UNC79: variants seen among roughly 807,000 people sequenced by gnomAD.
The protein encoded by UNC79 is unc-79 subunit of NALCN channel complex.
In UNC79, 37 loss-of-function variants were observed where a neutral mutation model predicts 283.1. The observed-to-expected ratio is 0.13, with a 90% CI of 0.10 to 0.17. The LOEUF is 0.17. Ranked by LOEUF, UNC79 falls within the 10% of genes least tolerant of loss-of-function variation. The pLI is 1.00. For missense variants in UNC79, 2,272 were observed against 3,211.1 expected (o/e 0.71, Z 7.07); for synonymous variants, 1,107 against 1,200.2 (o/e 0.92, Z 1.61).
At chr14:93,402,786 C>T (rs1269460766) in intron 1 of UNC79, among the ~76,000 whole-genome samples, 1 of 152,042 alleles carries the variant, frequency 6.6e-6, no homozygotes, top group Non-Finnish European at 1.5e-5. Context: ...AAAGTAGACT[C>T]GTATACTTGT....
chr14:93,497,004 T>C (rs546021050), intron 6 of UNC79, among the ~76,000 whole-genome samples, 153 bp from the exon 7 acceptor site: 1 of 152,364 alleles, frequency 6.6e-6, no homozygotes, highest in East Asian at 1.9e-4. Flanking sequence ...TTTGACGTGA[T>C]CTAATCTATG....
At chr14:93,429,357 C>A (rs973177776), upstream of UNC79, among the ~76,000 whole-genome samples, 1 of 152,188 alleles carries the variant, frequency 6.6e-6, no homozygotes, top group African/African-American at 2.4e-5. Context: ...GCCAGAGCAA[C>A]CTGCCAATCA....
In UNC79 at chr14:93,437,252, A is replaced by G. The variant is rs1325763769; in HGVS notation, c.22+6201A>G. On this transcript the variant is annotated intron_variant, in intron 1 of 48. Coordinates refer to ENST00000555664, the Ensembl canonical transcript of UNC79. ...TCCAGGAAAGACAGTTTAGATATTT[A>G]TTGCTTGTGCCTACTAGGTACTAGG... The G allele has an allele frequency of 3.3e-5, 5 of 152,114 alleles. No homozygotes were observed. In the East Asian group the frequency reaches 9.6e-4, roughly 29 times the overall value. 9.4% of individuals were successfully genotyped at this position (152,114 alleles called of 1,614,324 possible). A position where few individuals can be genotyped will look rare whatever the true frequency, so the allele number is the denominator to read the frequency against.
rs34461598 is a variant in UNC79 at position 93,690,738 on chromosome 14, CAAG to C, written c.7272+439_7272+441del. 0.026 allele frequency: 4,265 copies of C among 165,318 alleles called. 75 individuals carry two copies. The highest frequency in any genetic ancestry group is 0.057 in the South Asian group (345 of 6,050). 10.2% of individuals were successfully genotyped at this position (165,318 alleles called of 1,614,324 possible). On this transcript the variant is annotated intron_variant, in intron 45 of 48. Transcript: ENST00000555664. This position sits in a 1 kb window ranked among gnomAD's most constrained non-coding sequence, Gnocchi z 4.3. ...GATACAGGAAAATACAAAATGAAAA[CAAG>C]AAGGCCAGTTGGGAACTCACTAAAG...
intron 1 of UNC79, among the ~76,000 whole-genome samples, chr14:93,374,537 T>C (rs2054516919): frequency 6.6e-6 from 1 of 152,160 alleles, no homozygotes; most frequent in Non-Finnish European, 1.5e-5. Flanking sequence ...CTTTCTTTCT[T>C]TTTTAAAGTC....
intron 1 of UNC79, among the ~76,000 whole-genome samples, chr14:93,442,912 A>T (rs147024584): frequency 0.04 from 6,155 of 152,164 alleles, 174 homozygotes; most frequent in Middle Eastern, 0.12. Flanking sequence ...AACATGGCAA[A>T]ACCCTATATC....
At chr14:93,604,834 T>C (rs2065770458) in intron 26 of UNC79, 62 bp from the exon 27 acceptor site, 5 of 1,474,084 alleles carry the variant, frequency 3.4e-6, no homozygotes, top group Non-Finnish European at 1.8e-6. Flanking sequence ...GCACTGAGTA[T>C]ATTTTCTAGG....
rs896509701 is a variant in UNC79 at position 93,688,253 on chromosome 14, T to A, written c.6910-412T>A. On this transcript the variant is annotated intron_variant, in intron 43 of 48. Transcript: ENST00000555664. The surrounding 1 kb of genome is among the most constrained non-coding windows in gnomAD (Gnocchi z 4.0). ...ACAGTAAAAATGTGTCTCTCACAAT[T>A]GCTATGAAAAAGAGGCAGAAGGCAG... Among the ~76,000 whole-genome samples the A allele has an allele frequency of 6.6e-6, 1 of 152,134 alleles. No individual in the cohort carries two copies. The highest frequency in any genetic ancestry group is 2.4e-5 in the African/African-American group (1 of 41,430).
chr14:93,526,852 TAA>T (rs1375968933), intron 8 of UNC79, among the ~76,000 whole-genome samples: 1 of 152,052 alleles, frequency 6.6e-6, no homozygotes, highest in Non-Finnish European at 1.5e-5. Context: ...AATGACTCAC[TAA>T]AAAAGAGGGT....
Position 93,617,153 on chromosome 14 carries a change from A to G in UNC79, c.4073A>G (p.His1358Arg). Reference sequence around the variant, plus strand: ...GACTATAACATTAACTTGGGAAAACACCTTCTCCCCTTAGTGGTTCAGGTG... The same window carrying G: ...GACTATAACATTAACTTGGGAAAACGCCTTCTCCCCTTAGTGGTTCAGGTG... Residue 1358 changes from histidine (H) to arginine (R), a missense_variant, in exon 28 of 49, where the codon CAC becomes CGC. Transcript: ENST00000555664. The surrounding 1 kb of genome is among the most constrained non-coding windows in gnomAD (Gnocchi z 4.5). The G allele has an allele frequency of 6.2e-7, 1 of 1,613,574 alleles. No homozygotes were observed. Among genetic ancestry groups the G allele is most frequent in the Non-Finnish European group, 8.5e-7 (1 of 1,179,708 alleles).
chr14:93,660,563 ATGTGTGTG>A lies in UNC79; in HGVS notation c.6525+1312_6525+1319del, dbSNP rs1555394962. ...TATATATATATATATATATATATAT[ATGTGTGTG>A]TGTGTGTGTTCATTTTATTTTATTT... On this transcript the variant is annotated intron_variant, in intron 39 of 48. Transcript: ENST00000555664. Among the ~76,000 whole-genome samples the A allele has an allele frequency of 3.3e-3, 211 of 64,578 alleles. 1 individual carries two copies. The highest frequency in any genetic ancestry group is 5.5e-3 in the African/African-American group (86 of 15,600). 42.4% of individuals were successfully genotyped at this position (64,578 alleles called of 152,430 possible).
At chr14:93,574,768 C>T (rs1239768481) in intron 16 of UNC79, among the ~76,000 whole-genome samples, 1 of 150,794 alleles carries the variant, frequency 6.6e-6, no homozygotes, top group Non-Finnish European at 1.5e-5. Flanking sequence ...ATCTAAGGCA[C>T]TAGTGGTGGG....
rs140695052 is a variant in UNC79, at chr14:93,422,826, C to T, written c.-350-44845C>T. ...CTGTAATCCCAGCACTTTGGGAGGC[C>T]GAGACAGGTGGATCATGAGGTCAGG... On this transcript the variant is annotated intron_variant, in intron 1 of 49. Coordinates refer to the UNC79 transcript ENST00000256339. Among the ~76,000 whole-genome samples the T allele has an allele frequency of 6.1e-4, 93 of 151,674 alleles. No homozygotes were observed. In the South Asian group the frequency reaches 0.014, roughly 22 times the overall value.
chr14:93,380,074 A>G (rs1276616418), intron 1 of UNC79, among the ~76,000 whole-genome samples: 1 of 152,098 alleles, frequency 6.6e-6, no homozygotes, highest in East Asian at 1.9e-4. Context: ...GGTTGATCTG[A>G]GGATTAAAGA....
chr14:93,622,795 C>A (rs201639510), exon 30 of UNC79: 13 of 1,614,068 alleles, frequency 8.1e-6, no homozygotes, highest in Non-Finnish European at 1.1e-5. Flanking sequence ...AGTACCTCGA[C>A]ATCTCCTTCA....
At chr14:93,469,297 A>C (rs1489614803) in intron 2 of UNC79, among the ~76,000 whole-genome samples, 1 of 152,202 alleles carries the variant, frequency 6.6e-6, no homozygotes, top group Non-Finnish European at 1.5e-5. Flanking sequence ...AGTTTGTTCA[A>C]GTGGCTTGTT....
intron 40 of UNC79, among the ~76,000 whole-genome samples, chr14:93,668,608 G>C (rs1169605819): frequency 6.6e-6 from 1 of 152,024 alleles, no homozygotes; most frequent in Non-Finnish European, 1.5e-5. Flanking sequence ...ACTTTGGGAG[G>C]TGAAGGTGGG....
At chr14:93,454,963 G>T (rs2056755298) in intron 1 of UNC79, among the ~76,000 whole-genome samples, 1 of 152,146 alleles carries the variant, frequency 6.6e-6, no homozygotes, top group African/African-American at 2.4e-5. Context: ...TGATGATGTT[G>T]ATGATGCTAA....
At chr14:93,403,406 G>A (rs1263674294) in intron 1 of UNC79, among the ~76,000 whole-genome samples, 1 of 152,208 alleles carries the variant, frequency 6.6e-6, no homozygotes, top group East Asian at 1.9e-4. Context: ...GAAGTAGACA[G>A]CTTTTTTATC....
Sources: gnomAD v4.1 joint callset for allele counts (sites outside exome capture counted in the v4.1 genomes callset) on GRCh38, gnomAD v4.1.1 for gene constraint, Gnocchi (gnomAD v3.1) non-coding constraint, MANE v1.5 for transcripts, NCBI Gene and HGNC (gene_info 2026-07-23, HGNC 2026-07-21) for gene names.